HCN1: variants seen among roughly 807,000 people sequenced by gnomAD.
HCN1 encodes the protein potassium/sodium hyperpolarization-activated cyclic nucleotide-gated channel 1.
In HCN1, 13 loss-of-function variants were observed where a neutral mutation model predicts 78.9. The observed-to-expected ratio is 0.16, with a 90% CI of 0.11 to 0.26. The LOEUF is 0.26. HCN1 is among the 10% of genes least tolerant of loss of function. HCN1 has a pLI of 1.00. For synonymous variants in HCN1, 552 were observed against 455.5 expected (o/e 1.21, Z -2.70); for missense variants, 810 against 1,154.3 (o/e 0.70, Z 4.32).
At chr5:45,400,117 A>T (rs1187622372) in intron 3 of HCN1, among the ~76,000 whole-genome samples, 1 of 152,126 alleles carries the variant, frequency 6.6e-6, no homozygotes, top group African/African-American at 2.4e-5. Flanking sequence ...GGTACAGACA[A>T]GGTATATTGT....
At chr5:45,606,805 T>C (rs996658818) in intron 2 of HCN1, among the ~76,000 whole-genome samples, 2 of 151,968 alleles carry the variant, frequency 1.3e-5, no homozygotes, top group African/African-American at 2.4e-5. Flanking sequence ...TAAATATGCA[T>C]GTAAAGTTAA....
At chr5:45,519,162 G>GAAC (rs766575083) in intron 2 of HCN1, among the ~76,000 whole-genome samples, 10 of 151,718 alleles carry the variant, frequency 6.6e-5, no homozygotes, top group Non-Finnish European at 1.5e-4. Context: ...GCTTACATTT[G>GAAC]AACAACAACA....
intron 5 of HCN1, among the ~76,000 whole-genome samples, chr5:45,316,328 A>C (rs1229443798): frequency 6.6e-6 from 1 of 152,196 alleles, no homozygotes; most frequent in Non-Finnish European, 1.5e-5. Flanking sequence ...GATTATCTCA[A>C]TAGATGCAGA....
intron 5 of HCN1, among the ~76,000 whole-genome samples, chr5:45,309,212 G>T (rs1745798764): frequency 6.6e-6 from 1 of 152,090 alleles, no homozygotes; most frequent in African/African-American, 2.4e-5. Context: ...TTTGTACATT[G>T]ATTTTGTATC....
At chr5:45,284,115 G>A (rs1347503284) in intron 6 of HCN1, among the ~76,000 whole-genome samples, 1 of 151,998 alleles carries the variant, frequency 6.6e-6, no homozygotes, top group Non-Finnish European at 1.5e-5. Context: ...CACAAAGAAG[G>A]GAACAGATAC....
intron 3 of HCN1, 68 bp downstream of exon 3, chr5:45,461,778 C>T: frequency 1.5e-6 from 2 of 1,316,002 alleles, no homozygotes; most frequent in Non-Finnish European, 1.1e-6. Context: ...ATCATTGTAA[C>T]ATAATTACTT....
chr5:45,635,688 A>G (rs1406026414), intron 2 of HCN1, among the ~76,000 whole-genome samples: 1 of 152,184 alleles, frequency 6.6e-6, no homozygotes, highest in African/African-American at 2.4e-5. Flanking sequence ...GACACGACTC[A>G]TCTGATACAA....
At position 45,274,382 on chromosome 5, in the gene HCN1, G is replaced by A. The variant is rs117396593; in HGVS notation, c.1619-7129C>T. ...AAAACATATAAATTAGAGTGATCAC[G>A]TGGGCCTCTGAATGTTGACCTAGTA... On this transcript the variant is annotated intron_variant, in intron 6 of 7. Transcript: ENST00000303230. 2.5e-3 allele frequency among the ~76,000 whole-genome samples: 380 copies of A among 152,178 alleles called. 21 individuals carry two copies. In the East Asian group the frequency reaches 0.064, roughly 26 times the overall value.
intron 2 of HCN1, among the ~76,000 whole-genome samples, chr5:45,494,065 G>A (rs559191446): frequency 6.6e-6 from 1 of 151,996 alleles, no homozygotes; most frequent in Non-Finnish European, 1.5e-5. Context: ...AAACATACGT[G>A]TGCATGTGTC....
chr5:45,667,036 C>T (rs572472294), intron 1 of HCN1, among the ~76,000 whole-genome samples: 3 of 152,074 alleles, frequency 2.0e-5, no homozygotes, highest in African/African-American at 4.8e-5. Flanking sequence ...ATATTCCACA[C>T]ATCCTTGAAG....
chr5:45,502,158 T>C (rs1479205755), intron 2 of HCN1, among the ~76,000 whole-genome samples: 1 of 152,092 alleles, frequency 6.6e-6, no homozygotes, highest in Non-Finnish European at 1.5e-5. Context: ...ATGACATCTA[T>C]ACTTTATCCT....
chr5:45,301,080 TAA>T (rs1192092898), intron 6 of HCN1, among the ~76,000 whole-genome samples: 2 of 152,066 alleles, frequency 1.3e-5, no homozygotes, highest in African/African-American at 4.8e-5. Context: ...GTTATTTTGA[TAA>T]AGTTAAAAAA....
At chr5:45,353,989 T>A (rs1171977332) in intron 4 of HCN1, among the ~76,000 whole-genome samples, 1 of 151,858 alleles carries the variant, frequency 6.6e-6, no homozygotes, top group African/African-American at 2.4e-5. Flanking sequence ...CGAGATTGAT[T>A]CTATTGACCT....
intron 2 of HCN1, among the ~76,000 whole-genome samples, chr5:45,599,340 A>T (rs552259000): frequency 4.9e-5 from 7 of 143,554 alleles, no homozygotes; most frequent in African/African-American, 7.5e-5. Flanking sequence ...GTTCTCACTC[A>T]TGGGTGGGAA....
At chr5:45,296,686 T>C (rs891807693) in intron 6 of HCN1, among the ~76,000 whole-genome samples, 3 of 151,852 alleles carry the variant, frequency 2.0e-5, no homozygotes, top group African/African-American at 7.2e-5. Context: ...TTGGAAAATA[T>C]ATTTTTTAAG....
chr5:45,674,074 G>C (rs1014627010), intron 1 of HCN1, among the ~76,000 whole-genome samples: 1 of 151,194 alleles, frequency 6.6e-6, no homozygotes, highest in Non-Finnish European at 1.5e-5. Context: ...AGCTTTCCAT[G>C]GGATAGTTAT....
intron 3 of HCN1, among the ~76,000 whole-genome samples, chr5:45,447,863 CATATGT>C (rs1283564111): frequency 6.6e-6 from 1 of 150,806 alleles, no homozygotes; most frequent in African/African-American, 2.4e-5. Context: ...CTCATAATAT[CATATGT>C]ATATATTTTA....
At position 45,493,073 on chromosome 5, in the gene HCN1, C is replaced by A. The variant is rs911579915; in HGVS notation, c.850-31066G>T. On this transcript the variant is annotated intron_variant, in intron 2 of 7. Transcript: ENST00000303230. ...TATTAATTGTAGACTATTTCTCATA[C>A]AAATTCTTGTAAAATATTTTACTAG... Among the ~76,000 whole-genome samples, 148 of 152,116 alleles carry A rather than the reference C, an allele frequency of 9.7e-4. 1 individual carries two copies. Among genetic ancestry groups the A allele is most frequent in the African/African-American group, 3.4e-3 (142 of 41,514 alleles).
rs112051018 is a variant in HCN1, at chr5:45,310,045, T to C, written c.1378-6206A>G. The stretch of plus-strand genomic sequence containing the variant: ...TTTATTACTGCCTCAAGACTAAATG[T>C]AAAACCTAAAACTATAAAAACCCTG... On this transcript the variant is annotated intron_variant, in intron 5 of 7. Coordinates refer to ENST00000303230, the MANE Select transcript of HCN1 (RefSeq NM_021072.4). Among the ~76,000 whole-genome samples, 82 of 151,884 alleles carry C rather than the reference T, an allele frequency of 5.4e-4. No homozygotes were observed. The South Asian group carries it at 8.9e-3, about 17-fold the overall frequency.
Sources: allele counts gnomAD v4.1 joint callset (sites outside exome capture counted in the v4.1 genomes callset), GRCh38; gene constraint gnomAD v4.1.1; transcripts MANE v1.5; gene names NCBI Gene and HGNC (gene_info 2026-07-23, HGNC 2026-07-21).